Variants in MAGIX observed in about 807,000 individuals in gnomAD.
MAGIX encodes MAGI family member, X-linked.
Under a neutral mutation model 10.0 loss-of-function variants are expected in MAGIX, and 13 were observed. The ratio of observed to expected loss-of-function variants is 1.30; its 90% CI spans 0.84 to 2.06. The LOEUF is 2.06. Among genes scored for constraint, MAGIX ranks in the 30% most tolerant of loss-of-function variants. The probability of loss-of-function intolerance (pLI) is 0.00; values close to 1 mark genes in which losing one functional copy is unlikely to be tolerated. For missense variants in MAGIX, 235 were observed against 245.2 expected (o/e 0.96, Z 0.28); for synonymous variants, 108 against 106.8 (o/e 1.01, Z -0.07).
exon 2 of MAGIX, chrX:49,163,874 C>T: frequency 9.7e-7 from 1 of 1,035,457 alleles, no homozygotes; most frequent in African/African-American, 2.0e-5. Flanking sequence ...CTGCGGTCGA[C>T]GTGGCAGCGC....
At chrX:49,163,693 G>A in intron 1 of MAGIX, 90 bp from the exon 2 acceptor site, 1 of 882,649 alleles carries the variant, frequency 1.1e-6, no homozygotes, top group South Asian at 4.3e-5. Flanking sequence ...CGGGTATCCT[G>A]AGGGGCATTT....
chrX:49,166,381 C>T, exon 5 of MAGIX: 1 of 1,140,422 alleles, frequency 8.8e-7, no homozygotes, highest in South Asian at 2.0e-5. Context: ...AGATGGCAGC[C>T]GGAAGGCGGA....
rs1441363303 is a variant in MAGIX, at chrX:49,165,099, T to G, written c.330+9T>G. 1.1e-5 allele frequency: 13 copies of G among 1,201,515 alleles called. No individual in the cohort carries two copies. Among genetic ancestry groups the G allele is most frequent in the Non-Finnish European group, 1.5e-5 (13 of 888,592 alleles). ...GCTGTGGTCGTTTGGAGGTGAGCCC[T>G]GAAGCCCCTTCCACTGGTAGGTGCT... On this transcript the variant is annotated intron_variant, in intron 3 of 4. Transcript: ENST00000616266.
chrX:49,165,900 T>C, intron 4 of MAGIX, 174 bp from the exon 6 acceptor site: 1 of 446,758 alleles, frequency 2.2e-6, no homozygotes, highest in Non-Finnish European at 3.9e-6. Flanking sequence ...GGGAGGGGTC[T>C]CGGGAAAGGA....
chrX:49,164,886 C>T (rs1189783678), exon 3 of MAGIX: 10 of 1,211,973 alleles, frequency 8.3e-6, no homozygotes, highest in South Asian at 1.8e-5. Flanking sequence ...AGACATGTAA[C>T]GCACCTCCCC....
At chrX:49,164,133 C>T in intron 2 of MAGIX, 1 of 321,261 alleles carries the variant, frequency 3.1e-6, no homozygotes, top group Non-Finnish European at 5.2e-6. Context: ...TTGCAGTCGG[C>T]GAGGGCTAGA....
rs782648571 is a variant in MAGIX, at chrX:49,163,777, G to T, written c.-201-6G>T. The T allele has an allele frequency of 9.6e-7, 1 of 1,044,563 alleles. No homozygotes were observed. The highest frequency in any genetic ancestry group is 2.6e-5 in the South Asian group (1 of 37,834). 86.1% of individuals were successfully genotyped at this position (1,044,563 alleles called of 1,213,427 possible). A position where few individuals can be genotyped will look rare whatever the true frequency, so the allele number is the denominator to read the frequency against. ...TCGGCGTTGACCTGTCCCCTCTTGC[G>T]CGCAGGCCGCGGCCCCTCCCCGCTC... On this transcript the variant is annotated splice_polypyrimidine_tract_variant and splice_region_variant and intron_variant, in intron 1 of 4. Transcript: ENST00000616266.
chrX:49,166,865 G>C (rs1557098391), exon 5 of MAGIX: 1 of 118,841 alleles, frequency 8.4e-6, no homozygotes, highest in Non-Finnish European at 1.7e-5. Flanking sequence ...GAGGTGTACA[G>C]GGTCTCACAC....
At position 49,166,061 on chromosome X, in the gene MAGIX, A is replaced by G. The variant is rs782625899; in HGVS notation, c.503-13A>G. The stretch of plus-strand genomic sequence containing the variant: ...TTTCCCTTCCCTACTTCACCACCCA[A>G]TCTAATCCGTAGTCCCGTCATGGCC... On this transcript the variant is annotated splice_polypyrimidine_tract_variant and intron_variant, in intron 4 of 4. Transcript: ENST00000616266. The G allele has an allele frequency of 2.5e-6, 3 of 1,203,155 alleles. No homozygotes were observed. Among genetic ancestry groups the G allele is most frequent in the South Asian group, 3.5e-5 (2 of 56,454 alleles).
At chrX:49,166,025 A>C in intron 4 of MAGIX, 49 bp from the exon 6 acceptor site, 1 of 1,146,715 alleles carries the variant, frequency 8.7e-7, no homozygotes, top group Non-Finnish European at 1.2e-6. Flanking sequence ...ATCCTCAGCC[A>C]AAGGCCTGGA....
At chrX:49,163,976 A>T (rs1235356220) in intron 2 of MAGIX, 47 bp downstream of exon 2, 4 of 975,369 alleles carry the variant, frequency 4.1e-6, no homozygotes, top group Non-Finnish European at 3.9e-6. Flanking sequence ...TTCGGAGAGG[A>T]GTTGGGTTCA....
rs782517635 is a variant in MAGIX, at chrX:49,164,507, G to A, written c.-54-200G>A. 6.1e-6 allele frequency: 3 copies of A among 488,395 alleles called. No individual in the cohort carries two copies. In the East Asian group the frequency reaches 1.0e-4, roughly 16 times the overall value. 40.2% of individuals were successfully genotyped at this position (488,395 alleles called of 1,213,427 possible). A position where few individuals can be genotyped will look rare whatever the true frequency, so the allele number is the denominator to read the frequency against. ...CCAGGATTGTTTATTAAGAAGGTGG[G>A]GTCAGAACAGTTAATTTGTTTGGGC... On this transcript the variant is annotated intron_variant, in intron 2 of 4. Coordinates refer to ENST00000616266, the Ensembl canonical transcript of MAGIX.
chrX:49,163,177 C>G, intron 1 of MAGIX: 1 of 271,540 alleles, frequency 3.7e-6, no homozygotes, highest in Non-Finnish European at 6.5e-6. Flanking sequence ...TCAGGAGTCT[C>G]CAGGGAGACG....
At chrX:49,163,753 C>T (rs2065345278) in intron 1 of MAGIX, 30 bp from the exon 2 acceptor site, 2 of 1,010,529 alleles carry the variant, frequency 2.0e-6, no homozygotes, top group Non-Finnish European at 2.5e-6. Context: ...GGCCGAGGGT[C>T]GGCGTTGACC....
chrX:49,162,925 G>C, intron 1 of MAGIX: 2 of 762,422 alleles, frequency 2.6e-6, no homozygotes, highest in Non-Finnish European at 3.6e-6. Context: ...CGGACCCTAG[G>C]GGGAGCAGAG....
chrX:49,165,289 C>T (rs1557097588), exon 4 of MAGIX: 5 of 1,183,226 alleles, frequency 4.2e-6, no homozygotes, highest in Non-Finnish European at 5.7e-6. Flanking sequence ...CCAGCTCCAC[C>T]TGGTTATTCG....
Position 49,162,952 on chromosome X carries a change from G to A in MAGIX, c.-202+207G>A, listed in dbSNP as rs1413993018. Reference sequence around the variant, plus strand: ...GGAGCAGAGGAGGTACAGGGATTGGGGTCGTTGGGGAAGGACAGGGCGAGT... The same window carrying A: ...GGAGCAGAGGAGGTACAGGGATTGGAGTCGTTGGGGAAGGACAGGGCGAGT... On this transcript the variant is annotated intron_variant, in intron 1 of 4. Transcript: ENST00000616266. The A allele has an allele frequency of 9.4e-6, 6 of 639,363 alleles. No homozygotes were observed. The African/African-American group carries it at 1.2e-4, about 13-fold the overall frequency. The allele number at this position is 639,363 out of a possible 1,213,427, so 52.7% of individuals were successfully genotyped here. A position where few individuals can be genotyped will look rare whatever the true frequency, so the allele number is the denominator to read the frequency against.
exon 5 of MAGIX, chrX:49,167,861 T>C (rs185658015): frequency 1.8e-5 from 2 of 112,241 alleles, no homozygotes; most frequent in African/African-American, 6.5e-5. Context: ...CAATATTTAT[T>C]TTCATCTACA....
chrX:49,167,459 A>G (rs1454453611), exon 5 of MAGIX: 1 of 113,318 alleles, frequency 8.8e-6, no homozygotes, highest in Non-Finnish European at 1.9e-5. Context: ...ATCCCCCCAC[A>G]GGAGGGAAGC....
Sources: gnomAD v4.1 joint callset for allele counts on GRCh38, gnomAD v4.1.1 for gene constraint, MANE v1.5 for transcripts, NCBI Gene and HGNC (gene_info 2026-07-23, HGNC 2026-07-21) for gene names.